The following ABI1 variants were observed in gnomAD, a reference collection of about 807,000 sequenced individuals.
The protein encoded by ABI1 is abl interactor 1, also known as Abelson interactor 1.
In ABI1, 14 loss-of-function variants were observed where a neutral mutation model predicts 54.6. The observed-to-expected ratio is 0.26, with a 90% CI of 0.17 to 0.40. ABI1 has a LOEUF of 0.40. Among genes scored for constraint, ABI1 ranks in the 10% least tolerant of loss-of-function variants. The pLI is 1.00. For synonymous variants in ABI1, 194 were observed against 209.3 expected, an observed-to-expected ratio of 0.93 and a Z score of 0.63; for missense variants, 443 against 598.3, an observed-to-expected ratio of 0.74 and a Z score of 2.71.
At chr10:26,831,788 A>T (rs543564700) in intron 1 of ABI1, among the ~76,000 whole-genome samples, 1 of 152,322 alleles carries the variant, frequency 6.6e-6, no homozygotes, top group African/African-American at 2.4e-5. Context: ...TTAGATTCAG[A>T]TTGAACATTG....
At position 26,765,215 on chromosome 10, in the gene ABI1, C is replaced by G; in HGVS notation, c.820+3G>C. The G allele has an allele frequency of 6.3e-7, 1 of 1,590,846 alleles. No individual in the cohort carries two copies. The highest frequency in any genetic ancestry group is 8.6e-7 in the Non-Finnish European group (1 of 1,167,166). ...ATTAAACATAGATTAATAAATAACA[C>G]ACCTGGTCCAATAGTGGGTGGCGAA... On this transcript the variant is annotated splice_donor_region_variant and intron_variant, in intron 7 of 10. Transcript: ENST00000376140.
chr10:26,820,753 A>C (rs915008960), intron 2 of ABI1, among the ~76,000 whole-genome samples: 1 of 151,712 alleles, frequency 6.6e-6, no homozygotes, highest in African/African-American at 2.4e-5. Context: ...ACGCCCGGCT[A>C]ATTTTTGTAT....
chr10:26,824,943 G>C (rs1418097264), intron 1 of ABI1, among the ~76,000 whole-genome samples: 3 of 152,140 alleles, frequency 2.0e-5, no homozygotes, highest in Non-Finnish European at 4.4e-5. Flanking sequence ...AAAAAAACTA[G>C]GTACATGCCT....
chr10:26,846,490 G>A (rs960057635), intron 1 of ABI1, among the ~76,000 whole-genome samples: 9 of 151,870 alleles, frequency 5.9e-5, no homozygotes, highest in African/African-American at 2.2e-4. Flanking sequence ...CTACAGGCAA[G>A]CACCACCATG....
chr10:26,805,420 T>TA (rs79088128), intron 2 of ABI1, among the ~76,000 whole-genome samples: 5,669 of 134,204 alleles, frequency 0.042, 304 homozygotes, highest in East Asian at 0.26. Flanking sequence ...ACTTTTTATT[T>TA]AAAAAAAAAA....
rs960885006 is a variant in ABI1, at chr10:26,860,474, T to TGCGGCA, written c.117+267_117+272dup. The stretch of plus-strand genomic sequence containing the variant: ...AGCGGACGCGAGGGGGGCGCCGGGC[T>TGCGGCA]GCGGCAGCGGCGGGCTCCCGGCTCC... On this transcript the variant is annotated intron_variant, in intron 1 of 10. Coordinates refer to ENST00000376140, the MANE Select transcript of ABI1 (RefSeq NM_001012750.3). This position sits in a 1 kb window ranked among gnomAD's most constrained non-coding sequence, Gnocchi z 4.1. Among the ~76,000 whole-genome samples the TGCGGCA allele has an allele frequency of 3.3e-5, 5 of 152,188 alleles. No individual in the cohort carries two copies. Among genetic ancestry groups the TGCGGCA allele is most frequent in the Non-Finnish European group, 5.9e-5 (4 of 68,026 alleles).
intron 1 of ABI1, among the ~76,000 whole-genome samples, chr10:26,827,582 A>G (rs72794111): frequency 0.011 from 1,485 of 134,714 alleles, 20 homozygotes; most frequent in East Asian, 0.071. Context: ...AAGGCTTTTC[A>G]CTTTCTGTTT....
At chr10:26,755,781 A>G in intron 8 of ABI1, 40 bp from the exon 9 acceptor site, 1 of 1,344,536 alleles carries the variant, frequency 7.4e-7, no homozygotes, top group South Asian at 1.3e-5. Flanking sequence ...TAAAACAGAT[A>G]AAGGAAAGAA....
intron 2 of ABI1, among the ~76,000 whole-genome samples, chr10:26,808,482 G>T (rs1051611602): frequency 2.6e-5 from 4 of 152,140 alleles, no homozygotes; most frequent in Admixed American, 2.6e-4. Flanking sequence ...AGCACTTTGG[G>T]AGGCGGAGGC....
At chr10:26,848,064 G>A (rs188787335) in intron 1 of ABI1, among the ~76,000 whole-genome samples, 90 of 151,848 alleles carry the variant, frequency 5.9e-4, no homozygotes, top group Middle Eastern at 6.8e-3. Flanking sequence ...AGCTGGGCAC[G>A]GTGGCACACC....
At chr10:26,784,876 C>A (rs529923218) in intron 2 of ABI1, among the ~76,000 whole-genome samples, 4 of 152,314 alleles carry the variant, frequency 2.6e-5, no homozygotes, top group South Asian at 4.1e-4. Flanking sequence ...TAGACCAAGG[C>A]CAAATCTGTG....
intron 1 of ABI1, among the ~76,000 whole-genome samples, chr10:26,855,933 CG>C (rs1042024941): frequency 2.8e-5 from 4 of 145,122 alleles, no homozygotes; most frequent in Non-Finnish European, 4.5e-5. Context: ...ATCGTGCCAC[CG>C]CACTCCAGCC....
chr10:26,823,930 A>G (rs1020062477), intron 1 of ABI1, among the ~76,000 whole-genome samples: 2 of 152,062 alleles, frequency 1.3e-5, no homozygotes, highest in Non-Finnish European at 2.9e-5. Context: ...AACTTACACC[A>G]CAAAGAGTAA....
chr10:26,850,255 A>C (rs1339967269), intron 1 of ABI1, among the ~76,000 whole-genome samples: 1 of 152,264 alleles, frequency 6.6e-6, no homozygotes, highest in Non-Finnish European at 1.5e-5. Context: ...ATTTTTCATA[A>C]AACATTATTT....
intron 7 of ABI1, among the ~76,000 whole-genome samples, chr10:26,761,971 T>C (rs1839291313): frequency 1.3e-5 from 2 of 152,048 alleles, no homozygotes; most frequent in Non-Finnish European, 2.9e-5. Flanking sequence ...AGGACAGTGG[T>C]TCTCAAACTT....
At chr10:26,827,823 C>A (rs1414915329) in intron 1 of ABI1, among the ~76,000 whole-genome samples, 1 of 151,936 alleles carries the variant, frequency 6.6e-6, no homozygotes, top group Non-Finnish European at 1.5e-5. Flanking sequence ...GAACTCCTGT[C>A]CCTTGTGATT....
At chr10:26,771,119 A>G in intron 3 of ABI1, 30 bp from the exon 4 acceptor site, 1 of 1,612,926 alleles carries the variant, frequency 6.2e-7, no homozygotes, top group Non-Finnish European at 8.5e-7. Context: ...GGGGGGGAAA[A>G]AGTAGACATT....
intron 2 of ABI1, among the ~76,000 whole-genome samples, chr10:26,785,234 A>G (rs574403131): frequency 6.6e-6 from 1 of 152,356 alleles, no homozygotes; most frequent in African/African-American, 2.4e-5. Context: ...TGAAGGGTGA[A>G]TACTGTTGGA....
chr10:26,841,959 T>C (rs1485774963), intron 1 of ABI1, among the ~76,000 whole-genome samples: 2 of 152,182 alleles, frequency 1.3e-5, no homozygotes, highest in East Asian at 1.9e-4. Flanking sequence ...GATAAGGAAT[T>C]GCTGGGTCAT....
Sources: gnomAD v4.1 joint callset for allele counts (sites outside exome capture counted in the v4.1 genomes callset) on GRCh38, gnomAD v4.1.1 for gene constraint, Gnocchi (gnomAD v3.1) non-coding constraint, MANE v1.5 for transcripts, NCBI Gene and HGNC (gene_info 2026-07-23, HGNC 2026-07-21) for gene names.